Variants in RABEP1 observed in about 807,000 individuals in gnomAD.
RABEP1 encodes the protein rab GTPase-binding effector protein 1.
RABEP1 carries 51 observed loss-of-function variants against 123.4 expected under a neutral mutation model. That is an observed-to-expected ratio of 0.41 (90% CI 0.33 to 0.52). RABEP1 has a LOEUF of 0.52. Ranked by LOEUF, RABEP1 falls within the 20% of genes least tolerant of loss-of-function variation. The pLI, the probability that RABEP1 is intolerant of heterozygous loss-of-function variation, is 0.16. For synonymous variants in RABEP1, 347 were observed against 355.2 expected (o/e 0.98, Z 0.26); for missense variants, 888 against 996.3 (o/e 0.89, Z 1.46).
At chr17:5,283,056 G>T (rs1192438680) in intron 1 of RABEP1, among the ~76,000 whole-genome samples, 1 of 151,970 alleles carries the variant, frequency 6.6e-6, no homozygotes, top group Non-Finnish European at 1.5e-5. Context: ...GTTGGGGCCT[G>T]GGAGTCTAGA....
At chr17:5,359,078 C>CTT (rs112132875) in intron 8 of RABEP1, among the ~76,000 whole-genome samples, 184 of 143,800 alleles carry the variant, frequency 1.3e-3, no homozygotes, top group South Asian at 3.3e-3. Flanking sequence ...CTGATGTTTT[C>CTT]TTTTTTTTTT....
intron 15 of RABEP1, among the ~76,000 whole-genome samples, chr17:5,379,854 C>A (rs1911304520): frequency 1.3e-5 from 2 of 151,956 alleles, no homozygotes; most frequent in South Asian, 4.1e-4. Flanking sequence ...CTTAGCCCAG[C>A]CAGAGCTCTC....
chr17:5,336,417 A>G (rs1907090537), intron 4 of RABEP1: 1 of 460,212 alleles, frequency 2.2e-6, no homozygotes, highest in Admixed American at 2.5e-5. Context: ...ATTTATTCTT[A>G]TTAACTGAAG....
At chr17:5,305,715 T>G (rs1353653501) in intron 1 of RABEP1, among the ~76,000 whole-genome samples, 1 of 152,214 alleles carries the variant, frequency 6.6e-6, no homozygotes, top group Non-Finnish European at 1.5e-5. Flanking sequence ...GTGGAAAAGT[T>G]GTTTAACTTA....
intron 5 of RABEP1, among the ~76,000 whole-genome samples, chr17:5,342,039 A>G (rs184559568): frequency 1.5e-3 from 233 of 152,350 alleles, no homozygotes; most frequent in Non-Finnish European, 2.9e-3. Context: ...GACTGATTCA[A>G]TTGTCTGTAT....
intron 2 of RABEP1, among the ~76,000 whole-genome samples, chr17:5,322,835 G>A (rs1905514615): frequency 6.6e-6 from 1 of 152,204 alleles, no homozygotes; most frequent in South Asian, 2.1e-4. Context: ...AACACTTTGG[G>A]AGGCCGAGGC....
Position 5,361,490 on chromosome 17 carries a change from C to T in RABEP1, c.1378C>T (p.Leu460Phe), listed in dbSNP as rs913686511. Residue 460 changes from leucine (L) to phenylalanine (F), a missense_variant, in exon 9 of 18, where the codon CTC (leucine) becomes TTC (phenylalanine). Coordinates refer to ENST00000537505, the MANE Select transcript of RABEP1 (RefSeq NM_004703.6). The part of the protein sequence containing the change: ...ENFDTASLGS[L>F]QMPSGFMLTK... ...CTTTGATACTGCATCCCTTGGGTCA[C>T]TCCAGATGCCAAGTGGGTTTATGTT... 5.6e-6 allele frequency: 9 copies of T among 1,614,190 alleles called. No individual in the cohort carries two copies. The highest frequency in any genetic ancestry group is 7.6e-6 in the Non-Finnish European group (9 of 1,180,042).
intron 2 of RABEP1, among the ~76,000 whole-genome samples, chr17:5,317,787 A>G (rs1308897890): frequency 6.6e-6 from 1 of 152,220 alleles, no homozygotes. Context: ...AGAAAGACCA[A>G]CACAGGATTA....
intron 1 of RABEP1, among the ~76,000 whole-genome samples, chr17:5,292,620 G>A (rs1249727556): frequency 6.6e-6 from 1 of 152,102 alleles, no homozygotes; most frequent in Non-Finnish European, 1.5e-5. Context: ...CTGACCTCAT[G>A]TGATCCACCC....
Position 5,350,442 on chromosome 17 carries a change from C to T in RABEP1, c.785-9C>T, listed in dbSNP as rs755716937. The T allele has an allele frequency of 1.2e-6, 2 of 1,604,194 alleles. No individual in the cohort carries two copies. Among genetic ancestry groups the T allele is most frequent in the East Asian group, 4.5e-5 (2 of 44,702 alleles). The stretch of plus-strand genomic sequence containing the variant: ...GTTTTTGATTTGTGGTGGGGGGGTT[C>T]CTAAACAGTTTGCCATCTCTTGGAG... On this transcript the variant is annotated splice_polypyrimidine_tract_variant and intron_variant, in intron 6 of 17. Transcript: ENST00000537505.
At chr17:5,317,842 A>ATG (rs1567878568) in intron 2 of RABEP1, among the ~76,000 whole-genome samples, 2 of 151,728 alleles carry the variant, frequency 1.3e-5, no homozygotes, top group East Asian at 3.9e-4. Context: ...CAGGGAGAGG[A>ATG]GAGGAGCTAA....
chr17:5,349,697 T>G (rs1908354840), intron 6 of RABEP1, among the ~76,000 whole-genome samples: 1 of 152,194 alleles, frequency 6.6e-6, no homozygotes, highest in East Asian at 1.9e-4. Flanking sequence ...GTACTTGTTA[T>G]TTGAGTTGTA....
intron 2 of RABEP1, among the ~76,000 whole-genome samples, chr17:5,316,216 C>T (rs7216169): frequency 0.12 from 18,078 of 151,802 alleles, 1,434 homozygotes; most frequent in African/African-American, 0.22. Flanking sequence ...TTTGGGAGGC[C>T]GAGGCAGGCG....
intron 15 of RABEP1, 97 bp from the exon 16 acceptor site, chr17:5,380,267 T>C: frequency 1.4e-6 from 1 of 731,668 alleles, no homozygotes. Context: ...GTAGCCCGAG[T>C]GTCTTGGTGT....
chr17:5,326,452 CAA>C (rs938018972), intron 2 of RABEP1, among the ~76,000 whole-genome samples: 1 of 151,576 alleles, frequency 6.6e-6, no homozygotes, highest in South Asian at 2.1e-4. Flanking sequence ...ACTGTGGAAA[CAA>C]AAAAAAGATC....
chr17:5,368,529 C>G (rs1245528631), intron 12 of RABEP1, 61 bp downstream of exon 12: 2 of 1,195,796 alleles, frequency 1.7e-6, no homozygotes, highest in African/African-American at 3.0e-5. Flanking sequence ...TTTGTTCTAT[C>G]TTGACATCAT....
At chr17:5,323,848 A>G (rs1597355760) in intron 2 of RABEP1, among the ~76,000 whole-genome samples, 2 of 141,088 alleles carry the variant, frequency 1.4e-5, no homozygotes, top group South Asian at 4.3e-4. Context: ...GAATATATAT[A>G]TATATCTAGG....
At chr17:5,373,799 G>A (rs1276019614) in intron 13 of RABEP1, among the ~76,000 whole-genome samples, 1 of 151,048 alleles carries the variant, frequency 6.6e-6, no homozygotes, top group Non-Finnish European at 1.5e-5. Context: ...CTAGCCTTAA[G>A]CAACTACTAA....
At chr17:5,298,720 A>G (rs550766378) in intron 1 of RABEP1, among the ~76,000 whole-genome samples, 1 of 146,598 alleles carries the variant, frequency 6.8e-6, no homozygotes, top group South Asian at 2.1e-4. Context: ...CAGTAGCGAG[A>G]TCTCAGCTCA....
Sources: gnomAD v4.1 joint callset for allele counts (sites outside exome capture counted in the v4.1 genomes callset) on GRCh38, gnomAD v4.1.1 for gene constraint, MANE v1.5 for transcripts, NCBI Gene and HGNC (gene_info 2026-07-23, HGNC 2026-07-21) for gene names.